The following SLC12A3 variants were observed in gnomAD, a reference collection of about 807,000 sequenced individuals.
SLC12A3 encodes the protein solute carrier family 12 member 3.
In SLC12A3, 104 loss-of-function variants were observed where a neutral mutation model predicts 121.0. That is an observed-to-expected ratio of 0.86 (90% CI 0.73 to 1.01). The LOEUF is 1.01. Ranked by LOEUF, SLC12A3 falls within the 50% of genes least tolerant of loss-of-function variation. The pLI is 0.00. For missense variants in SLC12A3, 1,328 were observed against 1,356.3 expected, an observed-to-expected ratio of 0.98 and a Z score of 0.33; for synonymous variants, 536 against 533.4, an observed-to-expected ratio of 1.00 and a Z score of -0.07.
rs71387142 is a variant in SLC12A3, at chr16:56,880,113, G to A, written c.1444-17G>A. On this transcript the variant is annotated splice_polypyrimidine_tract_variant and intron_variant, in intron 11 of 25. Transcript: ENST00000563236. ...CAGGTCCCAGCCTAAGGGTGAGTGC[G>A]GCATCTGGTGCTGCAGTGCCTTTGC... 27,931 of 1,600,754 alleles carry A rather than the reference G, an allele frequency of 0.017. 513 individuals are homozygous for A. The highest frequency in any genetic ancestry group is 0.075 in the African/African-American group (5,597 of 74,948).
At position 56,872,472 on chromosome 16, in the gene SLC12A3, G is replaced by T; in HGVS notation, c.964+10G>T. ...TTCTTCAGCTACCGGGGTATGTGCT[G>T]ATCAAGGCCCTGACCATGGCTCTGG... On this transcript the variant is annotated intron_variant, in intron 7 of 25. Transcript: ENST00000563236. 6.2e-7 allele frequency: 1 copy of T among 1,609,194 alleles called. No individual in the cohort carries two copies. The highest frequency in any genetic ancestry group is 1.1e-5 in the South Asian group (1 of 90,960).
rs77658747 is a variant in SLC12A3 at position 56,880,654 on chromosome 16, G to A, written c.1567+401G>A. Among the ~76,000 whole-genome samples, 1,392 of 152,262 alleles carry A rather than the reference G, an allele frequency of 9.1e-3. 22 individuals are homozygous for A. The highest frequency in any genetic ancestry group is 0.032 in the African/African-American group (1,333 of 41,522). On this transcript the variant is annotated intron_variant, in intron 12 of 25. Transcript: ENST00000563236. The stretch of plus-strand genomic sequence containing the variant: ...TCTCTCCTTGGGATGGGATACCAAT[G>A]GCTGGTCAGTATCCTCATAGGTATA...
intron 22 of SLC12A3, among the ~76,000 whole-genome samples, chr16:56,895,858 T>C (rs920855051): frequency 1.3e-5 from 2 of 151,796 alleles, no homozygotes; most frequent in East Asian, 1.9e-4. Context: ...ATGGTTCCAT[T>C]TGGGAGTGAT....
intron 9 of SLC12A3, among the ~76,000 whole-genome samples, 182 bp from the exon 10 acceptor site, chr16:56,878,891 T>C (rs2055199581): frequency 6.6e-6 from 1 of 152,182 alleles, no homozygotes; most frequent in Non-Finnish European, 1.5e-5. Context: ...TGCCTGCTCG[T>C]AGGTTATTGT....
chr16:56,898,410 T>C (rs13338836), intron 22 of SLC12A3, among the ~76,000 whole-genome samples: 38,232 of 151,892 alleles, frequency 0.25, 5,347 homozygotes, highest in African/African-American at 0.39. Context: ...AGGCACCTGC[T>C]ACCACGGCCG....
intron 13 of SLC12A3, among the ~76,000 whole-genome samples, 164 bp from the exon 14 acceptor site, chr16:56,883,885 C>A (rs568652985): frequency 6.6e-6 from 1 of 152,344 alleles, no homozygotes; most frequent in Admixed American, 6.5e-5. Flanking sequence ...AGCCTGTAGA[C>A]CCAGCCCAGG....
intron 17 of SLC12A3, among the ~76,000 whole-genome samples, chr16:56,887,653 A>C (rs2055331718): frequency 6.6e-6 from 1 of 151,604 alleles, no homozygotes; most frequent in Admixed American, 6.6e-5. Context: ...GGAGGGATGT[A>C]GGGTGTTGGT....
intron 3 of SLC12A3, among the ~76,000 whole-genome samples, chr16:56,869,428 A>C (rs780874987): frequency 5.9e-5 from 9 of 152,130 alleles, no homozygotes; most frequent in Non-Finnish European, 1.3e-4. Context: ...CCTGGGTTCA[A>C]GCGATTCTCC....
At position 56,865,324 on chromosome 16, in the gene SLC12A3, A is replaced by G. The variant is rs757461294; in HGVS notation, c.89A>G (p.Glu30Gly). Reference sequence around the variant, plus strand: ...ATCAGCACACTGCTGAGCAGTGATGAGCCCTCTCCACCAGCTGCCTATGAC... The same window carrying G: ...ATCAGCACACTGCTGAGCAGTGATGGGCCCTCTCCACCAGCTGCCTATGAC... ...FTISTLLSSD[E>G]PSPPAAYDSS... The change falls in exon 1 of 26, where the codon GAG becomes GGG. Residue 30 changes from glutamate (E) to glycine (G), a missense_variant. By Grantham distance (98) the Glu-to-Gly change is moderately conservative (BLOSUM62 -2). Coordinates refer to ENST00000563236, the MANE Select transcript of SLC12A3 (RefSeq NM_001126108.2). The G allele has an allele frequency of 5.8e-5, 94 of 1,613,908 alleles. No individual in the cohort carries two copies. The highest frequency in any genetic ancestry group is 8.0e-5 in the Non-Finnish European group (94 of 1,180,046).
At chr16:56,879,333 T>A (rs1429207497) in intron 10 of SLC12A3, 106 bp downstream of exon 10, 2 of 1,464,604 alleles carry the variant, frequency 1.4e-6, no homozygotes, top group Non-Finnish European at 1.9e-6. Flanking sequence ...TTTTGGGGGT[T>A]GAGGCCTAGG....
chr16:56,901,910 GC>G (rs2055543981), intron 23 of SLC12A3, among the ~76,000 whole-genome samples: 1 of 152,218 alleles, frequency 6.6e-6, no homozygotes, highest in South Asian at 2.1e-4. Flanking sequence ...CCCGTGCATG[GC>G]TGGTTTTGCA....
intron 15 of SLC12A3, 24 bp downstream of exon 15, chr16:56,885,388 C>G: frequency 5.6e-6 from 8 of 1,426,074 alleles, no homozygotes; most frequent in Non-Finnish European, 7.7e-6. Flanking sequence ...CTGGGACCCA[C>G]CTGGGACCCC....
rs1367336190 is a variant in SLC12A3, at chr16:56,885,367, G to A, written c.1925+3G>A. ...GAAGACCACATCAAGAACTACCGGTGAGCAGAGCTGCTGGGACCCACCTGG... is the reference window on the plus strand; with the variant it reads ...GAAGACCACATCAAGAACTACCGGTAAGCAGAGCTGCTGGGACCCACCTGG... On this transcript the variant is annotated splice_donor_region_variant and intron_variant, in intron 15 of 25. Coordinates refer to ENST00000563236, the MANE Select transcript of SLC12A3 (RefSeq NM_001126108.2). 2.6e-6 allele frequency: 4 copies of A among 1,541,108 alleles called. No individual in the cohort carries two copies. In the East Asian group the frequency reaches 9.7e-5, roughly 38 times the overall value.
intron 8 of SLC12A3, among the ~76,000 whole-genome samples, chr16:56,873,378 T>C (rs7187353): frequency 0.035 from 1,642 of 46,298 alleles, 36 homozygotes; most frequent in Middle Eastern, 0.07. Flanking sequence ...TTCTTTCTTT[T>C]TTTTTTTTTT....
chr16:56,890,904 A>G (rs1596929876), intron 19 of SLC12A3, among the ~76,000 whole-genome samples: 1 of 48,618 alleles, frequency 2.1e-5, no homozygotes, highest in East Asian at 1.2e-3. Context: ...CTCCATCTCA[A>G]AAAAAAAAAA....
At position 56,913,254 on chromosome 16, in the gene SLC12A3, T is replaced by A. The variant is rs576303786; in HGVS notation, c.2925-10T>A. On this transcript the variant is annotated splice_polypyrimidine_tract_variant and intron_variant, in intron 25 of 25. Transcript: ENST00000563236. ...TAATCTCTCTTCTACCACTTTTTCA[T>A]GCCTTGCAGCACTTTGCCCATAGGG... 6.2e-7 allele frequency: 1 copy of A among 1,614,056 alleles called. No homozygotes were observed. Among genetic ancestry groups the A allele is most frequent in the Non-Finnish European group, 8.5e-7 (1 of 1,180,032 alleles).
At chr16:56,870,961 A>T (rs568700436) in intron 6 of SLC12A3, among the ~76,000 whole-genome samples, 4 of 151,498 alleles carry the variant, frequency 2.6e-5, no homozygotes, top group Non-Finnish European at 5.9e-5. Flanking sequence ...CAGCCTCCCG[A>T]GTAGCTGGGA....
intron 8 of SLC12A3, among the ~76,000 whole-genome samples, chr16:56,876,278 G>A (rs1456490029): frequency 6.6e-6 from 1 of 152,170 alleles, no homozygotes; most frequent in Non-Finnish European, 1.5e-5. Flanking sequence ...AACTGCACCT[G>A]CAAAGACCCT....
chr16:56,884,320 C>CCT lies in SLC12A3; in HGVS notation c.1825+121_1825+122dup, dbSNP rs2055282632. The CCT allele has an allele frequency of 4.0e-6, 4 of 998,764 alleles. No individual in the cohort carries two copies. In the South Asian group the frequency reaches 5.5e-5, roughly 14 times the overall value. 61.9% of individuals were successfully genotyped at this position (998,764 alleles called of 1,614,324 possible). A position where few individuals can be genotyped will look rare whatever the true frequency, so the allele number is the denominator to read the frequency against. The stretch of plus-strand genomic sequence containing the variant: ...GTCCGGCTCTGTGCTGTCCAGGGCC[C>CCT]CTCTCTGCCCCTCCCCTTTATCCCT... On this transcript the variant is annotated intron_variant, in intron 14 of 25. Coordinates refer to ENST00000563236, the MANE Select transcript of SLC12A3 (RefSeq NM_001126108.2).
Sources: gnomAD v4.1 joint callset for allele counts (sites outside exome capture counted in the v4.1 genomes callset) on GRCh38, gnomAD v4.1.1 for gene constraint, MANE v1.5 for transcripts, NCBI Gene and HGNC (gene_info 2026-07-23, HGNC 2026-07-21) for gene names.